Variants in PTPRJ observed in about 807,000 individuals in gnomAD.
PTPRJ encodes protein tyrosine phosphatase receptor type J, also known as receptor-type tyrosine-protein phosphatase eta.
A neutral mutation model predicts 141.3 loss-of-function variants in PTPRJ; 129 were observed. The observed-to-expected ratio is 0.91, with a 90% CI of 0.79 to 1.06. The LOEUF is 1.06. Among genes scored for constraint, PTPRJ ranks in the 50% least tolerant of loss-of-function variants. PTPRJ has a pLI of 0.00. For synonymous variants in PTPRJ, 610 were observed against 640.5 expected (o/e 0.95, Z 0.72); for missense variants, 1,601 against 1,679.7 (o/e 0.95, Z 0.82).
intron 1 of PTPRJ, among the ~76,000 whole-genome samples, chr11:47,989,395 T>C (rs1441497686): frequency 6.6e-6 from 1 of 151,884 alleles, no homozygotes; most frequent in African/African-American, 2.4e-5. Flanking sequence ...GCTTTCTGAG[T>C]AGCTGGGATT....
intron 1 of PTPRJ, among the ~76,000 whole-genome samples, chr11:48,104,984 C>A (rs945550353): frequency 6.6e-6 from 1 of 152,122 alleles, no homozygotes; most frequent in Non-Finnish European, 1.5e-5. Flanking sequence ...AAACACAGTT[C>A]CTCCCTGCTG....
chr11:48,081,116 A>G (rs1855546608), intron 1 of PTPRJ, among the ~76,000 whole-genome samples: 2 of 152,356 alleles, frequency 1.3e-5, no homozygotes, highest in East Asian at 3.9e-4. Flanking sequence ...GGTGTTTCTG[A>G]TGCGGGTGGT....
At chr11:48,160,637 T>C (rs1046296722) in intron 22 of PTPRJ, among the ~76,000 whole-genome samples, 3 of 152,158 alleles carry the variant, frequency 2.0e-5, no homozygotes, top group Non-Finnish European at 4.4e-5. Context: ...GGTGTGTGCA[T>C]TGGCATAACT....
intron 1 of PTPRJ, among the ~76,000 whole-genome samples, chr11:48,108,597 CT>C (rs56162095): frequency 0.031 from 4,664 of 152,328 alleles, 108 homozygotes; most frequent in Non-Finnish European, 0.046. Context: ...AGTGCTTTTA[CT>C]TTAATCTTTC....
chr11:48,107,265 GAGAAA>G (rs1263104061), intron 1 of PTPRJ, among the ~76,000 whole-genome samples: 4 of 151,834 alleles, frequency 2.6e-5, no homozygotes, highest in African/African-American at 9.7e-5. Flanking sequence ...AAAAAAAAAA[GAGAAA>G]AGAAAGAGTT....
chr11:48,125,776 A>G (rs1856815518), intron 6 of PTPRJ, among the ~76,000 whole-genome samples: 1 of 152,258 alleles, frequency 6.6e-6, no homozygotes, highest in Admixed American at 6.5e-5. Context: ...GTACAGGGCT[A>G]GAAGTTTTGG....
chr11:48,113,073 T>A, intron 3 of PTPRJ, 90 bp downstream of exon 3: 2 of 1,107,730 alleles, frequency 1.8e-6, no homozygotes, highest in Non-Finnish European at 2.6e-6. Context: ...GTTCTTCTTT[T>A]AATTACCTAA....
At chr11:48,018,368 C>T (rs1200306592) in intron 1 of PTPRJ, among the ~76,000 whole-genome samples, 2 of 152,080 alleles carry the variant, frequency 1.3e-5, no homozygotes, top group African/African-American at 4.8e-5. Flanking sequence ...AGCATGCCAG[C>T]TCTGCTGAAG....
At chr11:48,049,353 C>T (rs939266927) in intron 1 of PTPRJ, among the ~76,000 whole-genome samples, 3 of 151,628 alleles carry the variant, frequency 2.0e-5, no homozygotes, top group African/African-American at 7.3e-5. Context: ...CCAGGATGTA[C>T]GTGGAGATGG....
At chr11:48,053,064 T>TC (rs140889085) in intron 1 of PTPRJ, among the ~76,000 whole-genome samples, 1,948 of 135,392 alleles carry the variant, frequency 0.014, 57 homozygotes, top group African/African-American at 0.052. Context: ...TTTTTTTTTT[T>TC]CCCCTCCAAC....
intron 1 of PTPRJ, among the ~76,000 whole-genome samples, chr11:47,987,626 A>G (rs189831306): frequency 8.5e-5 from 13 of 152,362 alleles, no homozygotes; most frequent in Admixed American, 3.3e-4. Flanking sequence ...AGGAATGGTG[A>G]TAATGAGGGA....
At position 48,160,008 on chromosome 11, in the gene PTPRJ, G is replaced by T. The variant is rs749200980; in HGVS notation, c.3517G>T (p.Val1173Phe). 35 of 1,613,868 alleles carry T rather than the reference G, an allele frequency of 2.2e-5. No homozygotes were observed. Among genetic ancestry groups the T allele is most frequent in the Non-Finnish European group, 2.7e-5 (32 of 1,179,894 alleles). Residue 1173 changes from valine to phenylalanine, a missense_variant, in exon 22 of 25, where the codon GTT becomes TTT. Coordinates refer to ENST00000418331, the MANE Select transcript of PTPRJ (RefSeq NM_002843.4). ...AACTGTGGCAATGACATCAGAAATTGTTCTTCCGGAATGGACCATCAGAGA... is the reference window on the plus strand; with the variant it reads ...AACTGTGGCAATGACATCAGAAATTTTTCTTCCGGAATGGACCATCAGAGA... Reference protein sequence around the residue: ...DITVAMTSEIVLPEWTIRDFT... With the variant: ...DITVAMTSEIFLPEWTIRDFT...
At chr11:48,114,429 CAAAAAAAAAAA>C (rs71045544) in intron 3 of PTPRJ, among the ~76,000 whole-genome samples, 1 of 68,716 alleles carries the variant, frequency 1.5e-5, no homozygotes, top group Non-Finnish European at 2.4e-5. Flanking sequence ...GACTCTGTCT[CAAAAAAAAAAA>C]AAAAAAAAAA....
chr11:48,082,010 C>T (rs1346971970), intron 1 of PTPRJ, among the ~76,000 whole-genome samples: 1 of 152,194 alleles, frequency 6.6e-6, no homozygotes, highest in Non-Finnish European at 1.5e-5. Context: ...TTTCTTCTTC[C>T]TCTCTGTATC....
chr11:48,046,046 A>T (rs546303423), intron 1 of PTPRJ, among the ~76,000 whole-genome samples: 13 of 152,008 alleles, frequency 8.6e-5, no homozygotes, highest in African/African-American at 2.7e-4. Context: ...TCCATACGTT[A>T]GCTCATTTAT....
intron 21 of PTPRJ, among the ~76,000 whole-genome samples, chr11:48,159,374 G>A (rs531876401): frequency 6.6e-6 from 1 of 152,262 alleles, no homozygotes; most frequent in East Asian, 1.9e-4. Context: ...CTGGGGTTAT[G>A]GGAGAAGATG....
chr11:48,092,704 A>G (rs951481707), intron 1 of PTPRJ, among the ~76,000 whole-genome samples: 5 of 152,248 alleles, frequency 3.3e-5, no homozygotes, highest in Non-Finnish European at 7.3e-5. Flanking sequence ...TGCTGGGATT[A>G]CAGGCGTGAA....
At chr11:48,137,346 C>G (rs1857129480) in intron 10 of PTPRJ, 65 bp downstream of exon 10, 1 of 1,518,884 alleles carries the variant, frequency 6.6e-7, no homozygotes. Context: ...CAGGTCAGTC[C>G]TCCCAAGTCT....
At chr11:48,165,865 CTTTTT>C (rs145510713) in intron 24 of PTPRJ, among the ~76,000 whole-genome samples, 1 of 147,906 alleles carries the variant, frequency 6.8e-6, no homozygotes, top group Non-Finnish European at 1.5e-5. Context: ...TTTCTCTCCT[CTTTTT>C]TTTTTTTTTG....
Sources: allele counts gnomAD v4.1 joint callset (sites outside exome capture counted in the v4.1 genomes callset), GRCh38; gene constraint gnomAD v4.1.1; transcripts MANE v1.5; gene names NCBI Gene and HGNC (gene_info 2026-07-23, HGNC 2026-07-21).